Variants in SLC18A1 observed in about 807,000 individuals in gnomAD.
SLC18A1 encodes solute carrier family 18 member A1, also known as chromaffin granule amine transporter.
A neutral mutation model predicts 53.7 loss-of-function variants in SLC18A1; 69 were observed. The observed-to-expected ratio is 1.28, with a 90% CI of 1.06 to 1.57. The LOEUF (loss-of-function observed/expected upper bound fraction) is 1.57. Among genes scored for constraint, SLC18A1 ranks in the 40% most tolerant of loss-of-function variants. The pLI is 0.00. For synonymous variants in SLC18A1, 320 were observed against 248.1 expected (o/e 1.29, Z -2.72); for missense variants, 932 against 668.1 (o/e 1.40, Z -4.35).
chr8:20,167,133 CAA>C (rs374798341), intron 8 of SLC18A1, among the ~76,000 whole-genome samples: 1 of 131,366 alleles, frequency 7.6e-6, no homozygotes, highest in Admixed American at 7.6e-5. Flanking sequence ...AACTAAATGC[CAA>C]AAAAAAAAAA....
intron 10 of SLC18A1, among the ~76,000 whole-genome samples, chr8:20,159,950 T>C (rs145972863): frequency 2.0e-5 from 3 of 152,244 alleles, no homozygotes; most frequent in African/African-American, 7.2e-5. Context: ...AGGAACTGTT[T>C]GAGATCAGCA....
intron 6 of SLC18A1, among the ~76,000 whole-genome samples, chr8:20,171,700 G>C (rs1278418962): frequency 1.3e-5 from 2 of 150,048 alleles, no homozygotes; most frequent in Non-Finnish European, 2.9e-5. Context: ...GTGTGTGTGT[G>C]TGTGCGCGCG....
chr8:20,148,604 T>C (rs113625689), intron 12 of SLC18A1: 37 of 523,864 alleles, frequency 7.1e-5, no homozygotes, highest in African/African-American at 5.7e-4. Context: ...GGGTCCCCTG[T>C]CAGGAAGCTT....
At chr8:20,178,216 T>A (rs902107431) in intron 4 of SLC18A1, among the ~76,000 whole-genome samples, 9 of 152,084 alleles carry the variant, frequency 5.9e-5, no homozygotes, top group Admixed American at 2.6e-4. Context: ...ATAAAATATC[T>A]GTTCTTCTAT....
intron 8 of SLC18A1, among the ~76,000 whole-genome samples, chr8:20,165,949 T>C (rs555701032): frequency 6.6e-6 from 1 of 152,156 alleles, no homozygotes; most frequent in Non-Finnish European, 1.5e-5. Flanking sequence ...TTTGGTATGA[T>C]AACCCTCTCT....
Position 20,148,064 on chromosome 8 carries a change from G to C in SLC18A1, c.1153C>G (p.Leu385Val). ...ATGAGACCAAAAATATTGTGAGCCA[G>C]AGGAACCTGCATGGGGAAGGAGGAA... ...VVGTSLLCVP[L>V]AHNIFGLIGP... The change falls in exon 13 of 16, where the codon CTG becomes GTG. Residue 385 changes from leucine (L) to valine (V), a missense_variant. Physicochemically the swap from Leu to Val is conservative, Grantham distance 32 (BLOSUM62 1). Coordinates refer to ENST00000276373, the MANE Select transcript of SLC18A1 (RefSeq NM_003053.4). The C allele has an allele frequency of 6.2e-7, 1 of 1,614,136 alleles. No homozygotes were observed. The highest frequency in any genetic ancestry group is 2.2e-5 in the East Asian group (1 of 44,878).
chr8:20,147,486 A>T, intron 14 of SLC18A1, 95 bp from the exon 15 acceptor site: 2 of 1,569,598 alleles, frequency 1.3e-6, no homozygotes, highest in Non-Finnish European at 1.7e-6. Context: ...TGGGTGACCC[A>T]GAGGATGTCT....
At chr8:20,148,520 T>G in intron 12 of SLC18A1, 1 of 1,273,344 alleles carries the variant, frequency 7.9e-7, no homozygotes, top group South Asian at 1.2e-5. Context: ...TTGGTAGCTG[T>G]TGGAAAAAGA....
chr8:20,151,422 G>A (rs185789044), intron 10 of SLC18A1, among the ~76,000 whole-genome samples: 1 of 152,222 alleles, frequency 6.6e-6, no homozygotes, highest in African/African-American at 2.4e-5. Flanking sequence ...GTGTGGTTGG[G>A]TGCCACATAC....
rs1291638064 is a variant in SLC18A1 at position 20,181,074 on chromosome 8, A to G, written c.-110T>C. 1 of 1,349,946 alleles carries G rather than the reference A, an allele frequency of 7.4e-7. No homozygotes were observed. Among genetic ancestry groups the G allele is most frequent in the Non-Finnish European group, 9.9e-7 (1 of 1,014,718 alleles). The allele number at this position is 1,349,946 out of a possible 1,614,324, so 83.6% of individuals were successfully genotyped here. On this transcript the variant is annotated 5_prime_UTR_variant, in exon 2 of 16. Transcript: ENST00000276373. ...GGAAGAGGGGAGGGAGTCTGCCCAG[A>G]CGAAGGAAACTCACTATTAAAACGA... is the stretch of plus-strand genomic sequence containing the variant.
intron 10 of SLC18A1, among the ~76,000 whole-genome samples, chr8:20,156,432 G>T (rs548877934): frequency 1.3e-5 from 2 of 152,260 alleles, no homozygotes; most frequent in East Asian, 3.9e-4. Context: ...CCAGACTCAG[G>T]AGGTACCCCC....
At chr8:20,182,256 T>C (rs1460909801) in intron 1 of SLC18A1, among the ~76,000 whole-genome samples, 2 of 152,192 alleles carry the variant, frequency 1.3e-5, no homozygotes, top group Non-Finnish European at 2.9e-5. Context: ...CAAAGACTTA[T>C]ACTCAAAATG....
chr8:20,177,942 C>G (rs1344104068), intron 4 of SLC18A1, among the ~76,000 whole-genome samples: 1 of 152,196 alleles, frequency 6.6e-6, no homozygotes, highest in African/African-American at 2.4e-5. Flanking sequence ...CTTTTCTAAG[C>G]TTAACCTTTA....
chr8:20,169,023 A>G (rs11787343), intron 8 of SLC18A1, among the ~76,000 whole-genome samples: 117,434 of 151,960 alleles, frequency 0.77, 46,132 homozygotes, highest in African/African-American at 0.91. Context: ...CACATGTTAT[A>G]TATTAGTTAC....
chr8:20,150,615 C>T, intron 11 of SLC18A1, 51 bp downstream of exon 11: 1 of 1,469,628 alleles, frequency 6.8e-7, no homozygotes, highest in Non-Finnish European at 9.5e-7. Flanking sequence ...GGAACGGGCG[C>T]TCTTCCATCT....
At position 20,148,635 on chromosome 8, in the gene SLC18A1, C is replaced by T. The variant is rs919780800; in HGVS notation, c.1147-565G>A. On this transcript the variant is annotated intron_variant, in intron 12 of 15. Coordinates refer to ENST00000276373, the MANE Select transcript of SLC18A1 (RefSeq NM_003053.4). ...AGCTTGTGAGACTCATTCCCATTGC[C>T]CTCCCAATCCCCCAACAAAAACCCC... is the stretch of plus-strand genomic sequence containing the variant. 5 of 436,676 alleles carry T rather than the reference C, an allele frequency of 1.1e-5. No individual in the cohort carries two copies. The Admixed American group carries it at 1.4e-4, about 12-fold the overall frequency. The allele number at this position is 436,676 out of a possible 1,614,324, so 27.1% of individuals were successfully genotyped here. A position where few individuals can be genotyped will look rare whatever the true frequency, so the allele number is the denominator to read the frequency against.
intron 11 of SLC18A1, 36 bp downstream of exon 11, chr8:20,150,630 T>C (rs373754726): frequency 1.2e-4 from 191 of 1,572,006 alleles, no homozygotes; most frequent in Non-Finnish European, 1.6e-4. Context: ...CCATCTTACA[T>C]TTCTACTGTT....
chr8:20,152,429 G>A (rs1324392849), intron 10 of SLC18A1, among the ~76,000 whole-genome samples: 1 of 152,188 alleles, frequency 6.6e-6, no homozygotes, highest in African/African-American at 2.4e-5. Flanking sequence ...AGAAGTCATG[G>A]TGGAGAGAAG....
In SLC18A1 at chr8:20,171,253, G is replaced by C. The variant is rs1184769551; in HGVS notation, c.815-107C>G. 4.3e-6 allele frequency: 6 copies of C among 1,385,114 alleles called. No individual in the cohort carries two copies. The African/African-American group carries it at 5.7e-5, about 13-fold the overall frequency. 85.8% of individuals were successfully genotyped at this position (1,385,114 alleles called of 1,614,324 possible). A position where few individuals can be genotyped will look rare whatever the true frequency, so the allele number is the denominator to read the frequency against. On this transcript the variant is annotated intron_variant, in intron 7 of 15. Coordinates refer to ENST00000276373, the MANE Select transcript of SLC18A1 (RefSeq NM_003053.4). ...CTATTATGCATAAATTTAACTCCCT[G>C]AGTTTCTTCTTTCTTTTCTACAACG...
Sources: gnomAD v4.1 joint callset for allele counts (sites outside exome capture counted in the v4.1 genomes callset) on GRCh38, gnomAD v4.1.1 for gene constraint, MANE v1.5 for transcripts, NCBI Gene and HGNC (gene_info 2026-07-23, HGNC 2026-07-21) for gene names.